The following SIL1 variants were observed in gnomAD, a reference collection of about 807,000 sequenced individuals.
SIL1 encodes the protein SIL1 nucleotide exchange factor.
A neutral mutation model predicts 49.1 loss-of-function variants in SIL1; 40 were observed. The observed-to-expected ratio is 0.81, with a 90% CI of 0.63 to 1.06. SIL1 has a LOEUF of 1.06. Ranked by LOEUF, SIL1 falls within the 50% of genes least tolerant of loss-of-function variation. The pLI is 0.00. For missense variants in SIL1, 500 were observed against 572.6 expected (o/e 0.87, Z 1.29); for synonymous variants, 253 against 250.8 (o/e 1.01, Z -0.08).
At chr5:139,133,682 G>A (rs1411439175) in intron 1 of SIL1, among the ~76,000 whole-genome samples, 3 of 152,208 alleles carry the variant, frequency 2.0e-5, no homozygotes, top group Non-Finnish European at 4.4e-5. Context: ...AAGTGTCCTG[G>A]ACAAGCAAAG....
At chr5:139,148,275 C>A (rs1581133927) in intron 1 of SIL1, among the ~76,000 whole-genome samples, 1 of 152,134 alleles carries the variant, frequency 6.6e-6, no homozygotes, top group African/African-American at 2.4e-5. Context: ...CAAGATGCCA[C>A]CAACCAAATC....
At chr5:138,949,812 AAAAAGAAAAAAGAAAAG>A (rs1393101705) in intron 9 of SIL1, among the ~76,000 whole-genome samples, 56 of 151,406 alleles carry the variant, frequency 3.7e-4, no homozygotes, top group East Asian at 3.7e-3. Context: ...AAAAAAAAAA[AAAAAGAAAAAAGAAAAG>A]AAAAGAAAAA....
At position 138,955,329 on chromosome 5, in the gene SIL1, G is replaced by A. The variant is rs80037621; in HGVS notation, c.768-3445C>T. Among the ~76,000 whole-genome samples the A allele has an allele frequency of 6.0e-3, 917 of 152,306 alleles. 9 individuals carry two copies. The highest frequency in any genetic ancestry group is 0.02 in the African/African-American group (833 of 41,550). ...AATACCATTAGCACTTGGATTACTGGGATGTTCACAATCAGCAGGCAAGTC... is the reference window on the plus strand; with the variant it reads ...AATACCATTAGCACTTGGATTACTGAGATGTTCACAATCAGCAGGCAAGTC... On this transcript the variant is annotated intron_variant, in intron 7 of 9. Coordinates refer to ENST00000394817, the MANE Select transcript of SIL1 (RefSeq NM_022464.5).
intron 7 of SIL1, among the ~76,000 whole-genome samples, chr5:139,011,816 C>T (rs941653335): frequency 6.6e-6 from 1 of 152,102 alleles, no homozygotes; most frequent in African/African-American, 2.4e-5. Flanking sequence ...CTGCATCTAC[C>T]AGTAACCCAG....
chr5:138,972,461 A>T (rs1389181969), intron 7 of SIL1, among the ~76,000 whole-genome samples: 1 of 152,228 alleles, frequency 6.6e-6, no homozygotes, highest in Non-Finnish European at 1.5e-5. Context: ...CCCATGGGTG[A>T]ACCCTCTGGC....
chr5:139,029,220 TAC>T (rs1768730976), intron 5 of SIL1, among the ~76,000 whole-genome samples: 1 of 152,216 alleles, frequency 6.6e-6, no homozygotes, highest in Admixed American at 6.5e-5. Context: ...GAATTGAATG[TAC>T]ATGGAGTTAT....
In SIL1 at chr5:139,176,853, G is replaced by C. The variant is rs538994073; in HGVS notation, c.-11+21416C>G. Among the ~76,000 whole-genome samples, 26 of 151,338 alleles carry C rather than the reference G, an allele frequency of 1.7e-4. No individual in the cohort carries two copies. In the South Asian group the frequency reaches 5.4e-3, roughly 32 times the overall value. ...CTATCATTATTCCCTATTTAGAGCT[G>C]AGAAAATTAATGGGCAGGAAAGCAA... On this transcript the variant is annotated intron_variant, in intron 1 of 9. Coordinates refer to ENST00000394817, the MANE Select transcript of SIL1 (RefSeq NM_022464.5).
intron 7 of SIL1, among the ~76,000 whole-genome samples, chr5:139,015,085 G>A (rs755896750): frequency 2.0e-5 from 3 of 152,100 alleles, no homozygotes; most frequent in African/African-American, 7.2e-5. Flanking sequence ...AGCCTCCAAC[G>A]TTCTCTGAAA....
At chr5:139,109,289 G>T (rs896353457) in intron 3 of SIL1, among the ~76,000 whole-genome samples, 2 of 152,134 alleles carry the variant, frequency 1.3e-5, no homozygotes, top group Non-Finnish European at 1.5e-5. Flanking sequence ...AACCCAGTGG[G>T]AATCTAAAGC....
intron 3 of SIL1, among the ~76,000 whole-genome samples, chr5:139,119,123 G>C (rs1195305106): frequency 1.3e-5 from 2 of 152,166 alleles, no homozygotes; most frequent in East Asian, 1.9e-4. Flanking sequence ...CAAGGCAGAG[G>C]GTGATGCCAA....
At chr5:139,149,753 C>T (rs1751261416) in intron 1 of SIL1, among the ~76,000 whole-genome samples, 1 of 152,032 alleles carries the variant, frequency 6.6e-6, no homozygotes, top group African/African-American at 2.4e-5. Flanking sequence ...CTAGGCAGGA[C>T]AAGAGTGGTT....
intron 2 of SIL1, among the ~76,000 whole-genome samples, chr5:139,124,997 A>G (rs530485829): frequency 6.6e-6 from 1 of 152,322 alleles, no homozygotes; most frequent in East Asian, 1.9e-4. Context: ...GTGCCCTGAG[A>G]GCTGAGGGAA....
At chr5:139,106,477 T>C (rs1303150589) in intron 3 of SIL1, among the ~76,000 whole-genome samples, 2 of 152,204 alleles carry the variant, frequency 1.3e-5, no homozygotes, top group Non-Finnish European at 2.9e-5. Flanking sequence ...GGTCTGACAA[T>C]AAGATGTGTA....
At chr5:139,103,413 C>T (rs114000161) in intron 3 of SIL1, among the ~76,000 whole-genome samples, 10 of 152,282 alleles carry the variant, frequency 6.6e-5, no homozygotes, top group Non-Finnish European at 1.5e-4. Context: ...GCCAGTCAGT[C>T]TGTGGAGAAT....
intron 3 of SIL1, among the ~76,000 whole-genome samples, chr5:139,053,460 C>T (rs1026291934): frequency 2.6e-5 from 4 of 152,196 alleles, no homozygotes; most frequent in South Asian, 2.1e-4. Flanking sequence ...TTCTTTAAAG[C>T]GAATGATTTT....
intron 4 of SIL1, among the ~76,000 whole-genome samples, chr5:139,049,134 G>A (rs1261922524): frequency 6.6e-6 from 1 of 152,168 alleles, no homozygotes; most frequent in Non-Finnish European, 1.5e-5. Flanking sequence ...GAGTCTCTAG[G>A]ACCTCCTTCT....
intron 3 of SIL1, among the ~76,000 whole-genome samples, chr5:139,077,573 A>C (rs1257169399): frequency 6.6e-6 from 1 of 152,172 alleles, no homozygotes; most frequent in Non-Finnish European, 1.5e-5. Context: ...TTTTCCCAAC[A>C]GCTACTACCT....
At chr5:138,967,476 C>T (rs1767169581) in intron 7 of SIL1, among the ~76,000 whole-genome samples, 1 of 152,202 alleles carries the variant, frequency 6.6e-6, no homozygotes, top group Non-Finnish European at 1.5e-5. Context: ...AGACCCAGGC[C>T]GTGAGGGCCA....
intron 7 of SIL1, among the ~76,000 whole-genome samples, chr5:138,957,869 C>A (rs570854230): frequency 6.6e-6 from 1 of 151,824 alleles, no homozygotes; most frequent in Non-Finnish European, 1.5e-5. Flanking sequence ...CTTTTGCCAG[C>A]TGTCCCAATA....
Sources: gnomAD v4.1 joint callset for allele counts (sites outside exome capture counted in the v4.1 genomes callset) on GRCh38, gnomAD v4.1.1 for gene constraint, MANE v1.5 for transcripts, NCBI Gene and HGNC (gene_info 2026-07-23, HGNC 2026-07-21) for gene names.